PTPN14: variants seen among roughly 807,000 people sequenced by gnomAD.
PTPN14 encodes the protein tyrosine-protein phosphatase non-receptor type 14.
In PTPN14, 53 loss-of-function variants were observed where a neutral mutation model predicts 126.8. That is an observed-to-expected ratio of 0.42 (90% confidence interval 0.34 to 0.53). The LOEUF is 0.53. PTPN14 is among the 20% of genes least tolerant of loss of function. The probability of loss-of-function intolerance (pLI) is 0.08; values close to 1 mark genes in which losing one functional copy is unlikely to be tolerated. For missense variants in PTPN14, 1,257 were observed against 1,552.9 expected (o/e 0.81, Z 3.20); for synonymous variants, 630 against 599.3 (o/e 1.05, Z -0.75).
chr1:214,433,042 T>C (rs1425993133), intron 3 of PTPN14, among the ~76,000 whole-genome samples: 2 of 152,100 alleles, frequency 1.3e-5, no homozygotes, highest in Non-Finnish European at 2.9e-5. Flanking sequence ...TAGCTAGGAC[T>C]ACAGGCGCCC....
intron 1 of PTPN14, among the ~76,000 whole-genome samples, chr1:214,475,312 T>C (rs765096011): frequency 6.6e-6 from 1 of 152,192 alleles, no homozygotes; most frequent in African/African-American, 2.4e-5. Flanking sequence ...CCAAAAGCAA[T>C]AGTTTTTCCC....
intron 18 of PTPN14, among the ~76,000 whole-genome samples, chr1:214,359,444 G>C (rs1161429967): frequency 6.7e-6 from 1 of 148,556 alleles, no homozygotes; most frequent in Non-Finnish European, 1.5e-5. Context: ...GGCTGGTCTC[G>C]AACTCCTGAC....
At chr1:214,549,742 T>C (rs561639476) in intron 1 of PTPN14, among the ~76,000 whole-genome samples, 1 of 152,006 alleles carries the variant, frequency 6.6e-6, no homozygotes, top group African/African-American at 2.4e-5. Context: ...CCAATTAAAA[T>C]GTAGATGATC....
chr1:214,516,467 A>C (rs925935563), intron 1 of PTPN14, among the ~76,000 whole-genome samples: 7 of 152,214 alleles, frequency 4.6e-5, no homozygotes, highest in Admixed American at 2.0e-4. Flanking sequence ...TGCTGGGCTG[A>C]TATGACATCT....
chr1:214,474,628 G>T (rs554271556), intron 1 of PTPN14, among the ~76,000 whole-genome samples: 3 of 152,262 alleles, frequency 2.0e-5, no homozygotes, highest in South Asian at 2.1e-4. Flanking sequence ...TTTTAAGTAA[G>T]TCCCATCCAT....
chr1:214,359,253 T>C (rs1429485146), intron 18 of PTPN14, among the ~76,000 whole-genome samples: 1 of 147,800 alleles, frequency 6.8e-6, no homozygotes, highest in Non-Finnish European at 1.5e-5. Flanking sequence ...TCACTCTGTC[T>C]CCCAGGCTGG....
chr1:214,371,195 C>T (rs556928555), intron 16 of PTPN14, among the ~76,000 whole-genome samples: 28 of 152,286 alleles, frequency 1.8e-4, no homozygotes, highest in African/African-American at 6.5e-4. Flanking sequence ...CTCAGAGGGT[C>T]CTTGGCCACC....
rs1376355297 is a variant in PTPN14 at position 214,354,884 on chromosome 1, G to C, written c.*3038C>G. 1 of 152,136 alleles carries C rather than the reference G, an allele frequency of 6.6e-6. No individual in the cohort carries two copies. The highest frequency in any genetic ancestry group is 2.4e-5 in the African/African-American group (1 of 41,434). The allele number at this position is 152,136 out of a possible 1,614,324, so 9.4% of individuals were successfully genotyped here. On this transcript the variant is annotated 3_prime_UTR_variant, in exon 19 of 19. Coordinates refer to ENST00000366956, the MANE Select transcript of PTPN14 (RefSeq NM_005401.5). ...GAAATCATTCCAAAAGCTCTAACTA[G>C]ATAACTAATTTAATACACTTTGCTT...
At chr1:214,366,008 T>C (rs3002301) in intron 17 of PTPN14, among the ~76,000 whole-genome samples, 15 of 152,136 alleles carry the variant, frequency 9.9e-5, no homozygotes, top group African/African-American at 2.9e-4. Flanking sequence ...CTACTAAAAA[T>C]ACAAAAATCA....
intron 1 of PTPN14, among the ~76,000 whole-genome samples, chr1:214,543,416 G>T (rs1655890361): frequency 6.6e-6 from 1 of 152,042 alleles, no homozygotes. Flanking sequence ...GCTTAAAAAT[G>T]GAATTTGTCT....
At chr1:214,477,265 C>A (rs900698922) in intron 1 of PTPN14, among the ~76,000 whole-genome samples, 1 of 152,200 alleles carries the variant, frequency 6.6e-6, no homozygotes, top group Non-Finnish European at 1.5e-5. Context: ...ATAATCCCAA[C>A]TGATGTAACC....
At chr1:214,530,016 A>G (rs1170316567) in intron 1 of PTPN14, 1 of 152,236 alleles carries the variant, frequency 6.6e-6, no homozygotes, top group Non-Finnish European at 1.5e-5. Flanking sequence ...TAAGAAAAAC[A>G]GAGCTGACTA....
At position 214,350,375 on chromosome 1, in the gene PTPN14, T is replaced by C. The variant is rs986032032; in HGVS notation, c.*7547A>G. 6.6e-6 allele frequency: 1 copy of C among 152,186 alleles called. No individual in the cohort carries two copies. The highest frequency in any genetic ancestry group is 1.5e-5 in the Non-Finnish European group (1 of 68,030). The allele number at this position is 152,186 out of a possible 1,614,324, so 9.4% of individuals were successfully genotyped here. A position where few individuals can be genotyped will look rare whatever the true frequency, so the allele number is the denominator to read the frequency against. On this transcript the variant is annotated 3_prime_UTR_variant, in exon 19 of 19. Coordinates refer to ENST00000366956, the MANE Select transcript of PTPN14 (RefSeq NM_005401.5). ...ATATAAGTTCACCTCGAAATACATA[T>C]TAAGTACTGCTGTCATCATTGTTTT...
chr1:214,451,737 C>A, intron 3 of PTPN14, 68 bp downstream of exon 3: 1 of 1,544,042 alleles, frequency 6.5e-7, no homozygotes, highest in Non-Finnish European at 8.8e-7. Context: ...ACCAGCTCAT[C>A]TACTTCATTG....
chr1:214,467,113 CCT>C (rs1459399934), intron 1 of PTPN14, among the ~76,000 whole-genome samples: 1 of 152,052 alleles, frequency 6.6e-6, no homozygotes, highest in African/African-American at 2.4e-5. Context: ...ATCATGTTTA[CCT>C]CTAAGGTAAG....
chr1:214,501,314 A>G (rs1654692082), intron 1 of PTPN14, among the ~76,000 whole-genome samples: 1 of 152,108 alleles, frequency 6.6e-6, no homozygotes, highest in East Asian at 1.9e-4. Context: ...CTCTCAACTC[A>G]GTGCAACCTC....
chr1:214,397,969 A>C lies in PTPN14; in HGVS notation c.702T>G (p.Ile234Met). Residue 234 changes from isoleucine (I) to methionine (M), a missense_variant, in exon 8 of 19, where the codon ATT becomes ATG. Physicochemically the swap from Ile to Met is conservative, Grantham distance 10 (BLOSUM62 1). Around this residue, in one of 3 missense-constraint regions of PTPN14, gnomAD observed 1,021 missense variants for 1,183.3 expected, o/e 0.86. Transcript: ENST00000366956. Reference sequence around the variant, plus strand: ...TCCTCACGAAAATCCCCATAAAGAAAATGCCAAGGTGTACACAGTTTCCAT... The same window carrying C: ...TCCTCACGAAAATCCCCATAAAGAACATGCCAAGGTGTACACAGTTTCCAT... ...DNHGNCVHLGIFFMGIFVRNR... is the reference protein window; with the variant it reads ...DNHGNCVHLGMFFMGIFVRNR... The C allele has an allele frequency of 6.2e-7, 1 of 1,613,114 alleles. No homozygotes were observed. Among genetic ancestry groups the C allele is most frequent in the Non-Finnish European group, 8.5e-7 (1 of 1,179,068 alleles).
intron 13 of PTPN14, among the ~76,000 whole-genome samples, chr1:214,379,429 C>A (rs1336911859): frequency 6.6e-6 from 1 of 152,136 alleles, no homozygotes; most frequent in African/African-American, 2.4e-5. Flanking sequence ...CAGAATGAAG[C>A]CTGTGTGAGT....
chr1:214,491,072 A>C (rs1466505654), intron 1 of PTPN14, among the ~76,000 whole-genome samples: 1 of 150,502 alleles, frequency 6.6e-6, no homozygotes, highest in East Asian at 1.9e-4. Context: ...AGAAAGAAAG[A>C]AAGAGAAAGA....
Sources: allele counts gnomAD v4.1 joint callset (sites outside exome capture counted in the v4.1 genomes callset), GRCh38; gene constraint gnomAD v4.1.1; regional missense constraint gnomAD v4.1.1; transcripts MANE v1.5; gene names NCBI Gene and HGNC (gene_info 2026-07-23, HGNC 2026-07-21).